The following FUCA1 variants were observed in gnomAD, a reference collection of about 807,000 sequenced individuals.
FUCA1 encodes the protein alpha-L-fucosidase 1, also known as tissue alpha-L-fucosidase.
A neutral mutation model predicts 56.8 loss-of-function variants in FUCA1; 52 were observed. The observed-to-expected ratio is 0.92, with a 90% CI of 0.73 to 1.15. FUCA1 has a LOEUF of 1.15. Ranked by LOEUF, FUCA1 falls within the 50% of genes most tolerant of loss-of-function variation. FUCA1 has a pLI of 0.00. For synonymous variants in FUCA1, 230 were observed against 226.6 expected, an observed-to-expected ratio of 1.02 and a Z score of -0.14; for missense variants, 568 against 592.6, an observed-to-expected ratio of 0.96 and a Z score of 0.43.
At chr1:23,853,307 C>G (rs1450947729) in intron 5 of FUCA1, among the ~76,000 whole-genome samples, 5 of 151,598 alleles carry the variant, frequency 3.3e-5, no homozygotes, top group African/African-American at 1.2e-4. Flanking sequence ...AAGTGAGGAG[C>G]GTCTCTGCCC....
rs1295519992 is a variant in FUCA1, at chr1:23,867,479, C to A, written c.389+419G>T. On this transcript the variant is annotated intron_variant, in intron 1 of 7. Transcript: ENST00000374479. This position sits in a 1 kb window ranked among gnomAD's most constrained non-coding sequence, Gnocchi z 4.9. ...TCAAAGGGTTGTATCCTTATATAACCCCTTTCTACAACCATAGAAGAGGCT... is the reference window on the plus strand; with the variant it reads ...TCAAAGGGTTGTATCCTTATATAACACCTTTCTACAACCATAGAAGAGGCT... Among the ~76,000 whole-genome samples the A allele has an allele frequency of 1.3e-5, 2 of 152,154 alleles. No individual in the cohort carries two copies. Among genetic ancestry groups the A allele is most frequent in the African/African-American group, 4.8e-5 (2 of 41,424 alleles).
intron 4 of FUCA1, among the ~76,000 whole-genome samples, chr1:23,859,437 G>C (rs1399985574): frequency 6.6e-6 from 1 of 152,042 alleles, no homozygotes; most frequent in Admixed American, 6.6e-5. Flanking sequence ...CAGGTGGCGG[G>C]CCCCTGTAAT....
intron 5 of FUCA1, among the ~76,000 whole-genome samples, chr1:23,850,852 T>C (rs1639240365): frequency 6.6e-6 from 1 of 152,194 alleles, no homozygotes; most frequent in Non-Finnish European, 1.5e-5. Flanking sequence ...CTTAAACTCC[T>C]GCCCTCAAGC....
At position 23,867,950 on chromosome 1, in the gene FUCA1, G is replaced by C. The variant is rs1557516859; in HGVS notation, c.337C>G (p.Arg113Gly). 1 of 1,575,988 alleles carries C rather than the reference G, an allele frequency of 6.3e-7. No individual in the cohort carries two copies. The highest frequency in any genetic ancestry group is 8.6e-7 in the Non-Finnish European group (1 of 1,161,780). Reference protein sequence around the residue: ...YADFGPQFTARFFHPEEWADL... With the variant: ...YADFGPQFTAGFFHPEEWADL... The stretch of plus-strand genomic sequence containing the variant: ...GCCCACTCCTCCGGGTGGAAGAAGC[G>C]CGCAGTGAACTGCGGTCCGAAGTCG... Residue 113 changes from arginine (R) to glycine (G), a missense_variant, in exon 1 of 8, where the codon CGC becomes GGC. Transcript: ENST00000374479. This position sits in a 1 kb window ranked among gnomAD's most constrained non-coding sequence, Gnocchi z 4.9.
intron 4 of FUCA1, among the ~76,000 whole-genome samples, chr1:23,857,149 A>G (rs1639408281): frequency 6.6e-6 from 1 of 152,162 alleles, no homozygotes; most frequent in Non-Finnish European, 1.5e-5. Context: ...AAGCACAAAC[A>G]CTAGACTGTA....
chr1:23,859,582 AAAC>A (rs1639464819), intron 4 of FUCA1, among the ~76,000 whole-genome samples: 1 of 151,896 alleles, frequency 6.6e-6, no homozygotes, highest in Admixed American at 6.6e-5. Flanking sequence ...AAAAAAAAAA[AAAC>A]AACACTAAAG....
intron 3 of FUCA1, among the ~76,000 whole-genome samples, chr1:23,860,938 C>G (rs529255518): frequency 6.6e-6 from 1 of 152,012 alleles, no homozygotes; most frequent in African/African-American, 2.4e-5. Context: ...TGTGCCTGCC[C>G]TAATCTTTTT....
chr1:23,852,961 T>A (rs1456741078), intron 5 of FUCA1, among the ~76,000 whole-genome samples: 1 of 147,636 alleles, frequency 6.8e-6, no homozygotes, highest in South Asian at 2.2e-4. Context: ...GAGGAGCCCC[T>A]CTGCCTGGCT....
At position 23,867,270 on chromosome 1, in the gene FUCA1, TCTA is replaced by T. The variant is rs1290662824; in HGVS notation, c.389+625_389+627del. 6.6e-6 allele frequency among the ~76,000 whole-genome samples: 1 copy of T among 152,164 alleles called. No individual in the cohort carries two copies. Among genetic ancestry groups the T allele is most frequent in the Non-Finnish European group, 1.5e-5 (1 of 68,034 alleles). On this transcript the variant is annotated intron_variant, in intron 1 of 7. Coordinates refer to ENST00000374479, the MANE Select transcript of FUCA1 (RefSeq NM_000147.5). This position sits in a 1 kb window ranked among gnomAD's most constrained non-coding sequence, Gnocchi z 4.9. ...TCCCCTTATCCCCACCCCAGCGCTC[TCTA>T]CTCTGTTCTCTGAACCAGCCACCCC...
intron 4 of FUCA1, among the ~76,000 whole-genome samples, chr1:23,856,729 C>A (rs540331135): frequency 6.6e-6 from 1 of 152,166 alleles, no homozygotes; most frequent in Admixed American, 6.5e-5. Context: ...CGGTGGCTCA[C>A]GCCTGTAATC....
chr1:23,845,879 A>C, intron 7 of FUCA1, 24 bp from the exon 8 acceptor site: 1 of 1,614,044 alleles, frequency 6.2e-7, no homozygotes, highest in Non-Finnish European at 8.5e-7. Flanking sequence ...AAGGGAATGA[A>C]ACAAACTGGT....
intron 5 of FUCA1, among the ~76,000 whole-genome samples, chr1:23,851,638 T>C (rs919674084): frequency 6.6e-6 from 1 of 152,120 alleles, no homozygotes; most frequent in African/African-American, 2.4e-5. Flanking sequence ...TGGATGAAGC[T>C]GGACATCACT....
At chr1:23,866,101 C>G (rs957989230) in intron 1 of FUCA1, among the ~76,000 whole-genome samples, 24 of 152,296 alleles carry the variant, frequency 1.6e-4, no homozygotes, top group Middle Eastern at 3.4e-3. Flanking sequence ...TACCTGAGGT[C>G]AGGGGTTCAA....
At chr1:23,865,903 A>G (rs940881681) in intron 1 of FUCA1, among the ~76,000 whole-genome samples, 2 of 152,232 alleles carry the variant, frequency 1.3e-5, no homozygotes, top group Admixed American at 6.5e-5. Context: ...AGGGAAAAGA[A>G]GTGCACCTTA....
At chr1:23,857,370 C>T (rs1489843534) in intron 4 of FUCA1, among the ~76,000 whole-genome samples, 3 of 152,140 alleles carry the variant, frequency 2.0e-5, no homozygotes, top group Non-Finnish European at 2.9e-5. Context: ...TTGCCCTCAA[C>T]GATCCAGCAG....
Position 23,868,147 on chromosome 1 carries a change from C to G in FUCA1, c.140G>C (p.Arg47Pro). The G allele has an allele frequency of 6.2e-7, 1 of 1,610,668 alleles. No individual in the cohort carries two copies. Among genetic ancestry groups the G allele is most frequent in the Non-Finnish European group, 8.5e-7 (1 of 1,179,268 alleles). Reference protein sequence around the residue: ...YTPDWPSLDSRPLPAWFDEAK... With the variant: ...YTPDWPSLDSPPLPAWFDEAK... Reference sequence around the variant, plus strand: ...TTCGTCGAACCAGGCCGGCAGCGGCCGAGAATCCAGGCTCGGCCAGTCTGG... The same window carrying G: ...TTCGTCGAACCAGGCCGGCAGCGGCGGAGAATCCAGGCTCGGCCAGTCTGG... Residue 47 changes from arginine (R) to proline (P), a missense_variant, in exon 1 of 8, where the codon CGG (arginine) becomes CCG (proline). Transcript: ENST00000374479.
At chr1:23,850,396 T>C (rs1639231183) in intron 5 of FUCA1, among the ~76,000 whole-genome samples, 1 of 152,072 alleles carries the variant, frequency 6.6e-6, no homozygotes, top group Admixed American at 6.5e-5. Context: ...CCATTAACTT[T>C]TGATGTCTTC....
At position 23,859,790 on chromosome 1, in the gene FUCA1, T is replaced by C. The variant is rs752291671; in HGVS notation, c.768+8A>G. 3 of 1,567,954 alleles carry C rather than the reference T, an allele frequency of 1.9e-6. No individual in the cohort carries two copies. Among genetic ancestry groups the C allele is most frequent in the African/African-American group, 2.7e-5 (2 of 74,092 alleles). ...AGGAGATAAATAAGAAGTCATATAATCACATACCTTGACAGGGCTGTCATT... is the reference window on the plus strand; with the variant it reads ...AGGAGATAAATAAGAAGTCATATAACCACATACCTTGACAGGGCTGTCATT... On this transcript the variant is annotated splice_region_variant and intron_variant, in intron 4 of 7. Coordinates refer to ENST00000374479, the MANE Select transcript of FUCA1 (RefSeq NM_000147.5).
rs368693347 is a variant in FUCA1, at chr1:23,867,983, T to C, written c.304A>G (p.Ser102Gly). ...FMRDNYPPGF[S>G]YADFGPQFTA... ...AACTGCGGTCCGAAGTCGGCGTAGC[T>C]GAAGCCGGGCGGGTAGTTGTCGCGC... Residue 102 changes from serine (S) to glycine (G), a missense_variant, in exon 1 of 8, where the codon AGC (serine) becomes GGC (glycine). By Grantham distance (56) the Ser-to-Gly change is moderately conservative. Coordinates refer to ENST00000374479, the MANE Select transcript of FUCA1 (RefSeq NM_000147.5). The surrounding 1 kb of genome is among the most constrained non-coding windows in gnomAD (Gnocchi z 4.9). The C allele has an allele frequency of 1.2e-6, 2 of 1,600,414 alleles. No individual in the cohort carries two copies. The highest frequency in any genetic ancestry group is 1.3e-5 in the African/African-American group (1 of 74,890).
Sources: gnomAD v4.1 joint callset for allele counts (sites outside exome capture counted in the v4.1 genomes callset) on GRCh38, gnomAD v4.1.1 for gene constraint, Gnocchi (gnomAD v3.1) non-coding constraint, MANE v1.5 for transcripts, NCBI Gene and HGNC (gene_info 2026-07-23, HGNC 2026-07-21) for gene names.